PKHD1: variants seen among roughly 807,000 people sequenced by gnomAD.
PKHD1 encodes the protein PKHD1 ciliary IPT domain containing fibrocystin/polyductin, also known as fibrocystin.
In PKHD1, 291 loss-of-function variants were observed where a neutral mutation model predicts 412.0. The ratio of observed to expected loss-of-function variants is 0.71; its 90% confidence interval spans 0.64 to 0.78. The LOEUF (loss-of-function observed/expected upper bound fraction) is 0.78. Ranked by LOEUF, PKHD1 falls within the 30% of genes least tolerant of loss-of-function variation. PKHD1 has a pLI of 0.00. For synonymous variants in PKHD1, 1,777 were observed against 1,821.5 expected (o/e 0.98, Z 0.62); for missense variants, 4,825 against 4,950.7 (o/e 0.97, Z 0.76).
At chr6:52,013,258 CCT>C (rs757083878) in intron 34 of PKHD1, among the ~76,000 whole-genome samples, 2 of 152,128 alleles carry the variant, frequency 1.3e-5, no homozygotes, top group Non-Finnish European at 2.9e-5. Context: ...GTCACTCTAC[CCT>C]CTGTTTGCCT....
intron 48 of PKHD1, 83 bp from the exon 49 acceptor site, chr6:51,856,153 T>C: frequency 1.2e-6 from 1 of 853,166 alleles, no homozygotes; most frequent in South Asian, 1.3e-5. Context: ...TTTCATCAAT[T>C]GCAATCATCT....
At chr6:51,861,598 G>T (rs1436313822) in intron 48 of PKHD1, among the ~76,000 whole-genome samples, 1 of 152,180 alleles carries the variant, frequency 6.6e-6, no homozygotes, top group Non-Finnish European at 1.5e-5. Flanking sequence ...AATTTCTGTG[G>T]CATGGTTTTG....
intron 60 of PKHD1, chr6:51,682,254 A>G: frequency 2.2e-6 from 1 of 454,936 alleles, no homozygotes; most frequent in South Asian, 1.6e-5. Flanking sequence ...CTAGGATGAA[A>G]ACAGAAACAT....
chr6:51,903,844 TATATA>T, intron 42 of PKHD1, 117 bp from the exon 43 acceptor site: 2 of 378,494 alleles, frequency 5.3e-6, no homozygotes, highest in Non-Finnish European at 9.2e-6. Flanking sequence ...TATATATATA[TATATA>T]TATATATATA....
chr6:51,934,799 C>A (rs1263546272), intron 36 of PKHD1, among the ~76,000 whole-genome samples: 1 of 152,148 alleles, frequency 6.6e-6, no homozygotes, highest in Non-Finnish European at 1.5e-5. Flanking sequence ...ATTATACTTT[C>A]TTTTGTTAAC....
chr6:51,924,600 A>G (rs1444009644), intron 37 of PKHD1, among the ~76,000 whole-genome samples: 1 of 152,236 alleles, frequency 6.6e-6, no homozygotes, highest in East Asian at 1.9e-4. Flanking sequence ...AAGCTTACAC[A>G]ATAATCCAGG....
At position 51,856,374 on chromosome 6, in the gene PKHD1, G is replaced by GT. The variant is rs546557055; in HGVS notation, c.7734-305dup. On this transcript the variant is annotated intron_variant, in intron 48 of 66. Transcript: ENST00000371117. Reference sequence around the variant, plus strand: ...CTCCTTGAGACGGAGTTTCGCTCTTGTTGCCCATGCTGGAGTGCAATGCGC... The same window carrying GT: ...CTCCTTGAGACGGAGTTTCGCTCTTGTTTGCCCATGCTGGAGTGCAATGCGC... 9.8e-5 allele frequency among the ~76,000 whole-genome samples: 15 copies of GT among 152,316 alleles called. 1 individual carries two copies. The East Asian group carries it at 2.5e-3, about 25-fold the overall frequency.
intron 37 of PKHD1, among the ~76,000 whole-genome samples, chr6:51,922,683 C>T (rs771729695): frequency 2.6e-5 from 4 of 152,200 alleles, no homozygotes; most frequent in Non-Finnish European, 4.4e-5. Context: ...TGCCTCCTTG[C>T]GTTTGATCTC....
intron 60 of PKHD1, among the ~76,000 whole-genome samples, chr6:51,692,472 G>C (rs1778291378): frequency 6.6e-6 from 1 of 152,112 alleles, no homozygotes; most frequent in African/African-American, 2.4e-5. Context: ...AAACAAATCT[G>C]AGGACACTTT....
chr6:51,981,331 C>A (rs1315102618), intron 35 of PKHD1, among the ~76,000 whole-genome samples: 3 of 42,122 alleles, frequency 7.1e-5, no homozygotes, highest in African/African-American at 2.1e-4. Flanking sequence ...CCCTCTCCCT[C>A]TCCCTCTCCC....
chr6:51,627,827 C>A (rs1767455312), intron 65 of PKHD1, among the ~76,000 whole-genome samples: 1 of 152,056 alleles, frequency 6.6e-6, no homozygotes, highest in South Asian at 2.1e-4. Context: ...AGAGATACTT[C>A]ATCTTCTATT....
chr6:51,923,940 C>T (rs1021957351), intron 37 of PKHD1, among the ~76,000 whole-genome samples: 3 of 152,138 alleles, frequency 2.0e-5, no homozygotes, highest in African/African-American at 7.2e-5. Context: ...AGTTACATCC[C>T]CTTGCAGGCC....
chr6:51,883,882 G>A (rs1257379319), intron 45 of PKHD1, among the ~76,000 whole-genome samples: 2 of 152,148 alleles, frequency 1.3e-5, no homozygotes, highest in Non-Finnish European at 2.9e-5. Context: ...AAAACTTGGG[G>A]CTGTGAGTTC....
Position 52,024,899 on chromosome 6 carries a change from T to C in PKHD1, c.4911A>G (p.Glu1637=). 1 of 1,614,196 alleles carries C rather than the reference T, an allele frequency of 6.2e-7. No individual in the cohort carries two copies. The highest frequency in any genetic ancestry group is 8.5e-7 in the Non-Finnish European group (1 of 1,180,030). Residue 1637 remains glutamate, a synonymous_variant, in exon 32 of 67, where the codon GAA becomes GAG. Transcript: ENST00000371117. The stretch of plus-strand genomic sequence containing the variant: ...GATACCAAAGTCCATCTACCTCTAT[T>C]TCCAGGGCAACAGAGCCATTCCCTG... The part of the protein sequence containing the change: ...VPTGNGSVAL[E]IEVDGLWYHI...
At chr6:51,857,960 G>T (rs1382029269) in intron 48 of PKHD1, among the ~76,000 whole-genome samples, 1 of 152,174 alleles carries the variant, frequency 6.6e-6, no homozygotes, top group Non-Finnish European at 1.5e-5. Flanking sequence ...GAAATCTTGT[G>T]AGGAGGGGAA....
chr6:52,043,227 T>C (rs1227143437), intron 26 of PKHD1, 93 bp from the exon 27 acceptor site: 6 of 1,020,520 alleles, frequency 5.9e-6, no homozygotes, highest in Non-Finnish European at 8.6e-6. Context: ...CAAATGTTCC[T>C]TCTCTGCCCC....
At chr6:51,680,903 T>C (rs1171958766) in intron 60 of PKHD1, among the ~76,000 whole-genome samples, 2 of 151,966 alleles carry the variant, frequency 1.3e-5, no homozygotes, top group African/African-American at 4.8e-5. Context: ...AAAAAACATA[T>C]GCCTTTATAA....
Position 51,701,498 on chromosome 6 carries a change from G to A in PKHD1, c.10157-41529C>T, listed in dbSNP as rs143485059. Among the ~76,000 whole-genome samples, 33 of 152,166 alleles carry A rather than the reference G, an allele frequency of 2.2e-4. 1 individual carries two copies. The highest frequency in any genetic ancestry group is 7.5e-4 in the African/African-American group (31 of 41,542). On this transcript the variant is annotated intron_variant, in intron 60 of 66. Coordinates refer to ENST00000371117, the MANE Select transcript of PKHD1 (RefSeq NM_138694.4). ...AATAATCCTCATTATAAATGCTCAT[G>A]TTTACATTGCATTTTTAGCATTCCA...
intron 47 of PKHD1, among the ~76,000 whole-genome samples, chr6:51,868,468 T>C (rs1562498667): frequency 6.6e-6 from 1 of 152,142 alleles, no homozygotes; most frequent in Non-Finnish European, 1.5e-5. Flanking sequence ...GCAGTGCTAC[T>C]GGCAGCTAGT....
Sources: gnomAD v4.1 joint callset for allele counts (sites outside exome capture counted in the v4.1 genomes callset) on GRCh38, gnomAD v4.1.1 for gene constraint, MANE v1.5 for transcripts, NCBI Gene and HGNC (gene_info 2026-07-23, HGNC 2026-07-21) for gene names.